Variants in HACL1 observed in about 807,000 individuals in gnomAD.
The protein encoded by HACL1 is 1600020H07Rik.
Under a neutral mutation model 74.2 loss-of-function variants are expected in HACL1, and 64 were observed. The observed-to-expected ratio is 0.86, with a 90% CI of 0.70 to 1.06. The LOEUF is 1.06. Among genes scored for constraint, HACL1 ranks in the 50% least tolerant of loss-of-function variants. The pLI is 0.00. For missense variants in HACL1, 728 were observed against 719.7 expected (o/e 1.01, Z -0.13); for synonymous variants, 230 against 238.8 (o/e 0.96, Z 0.34).
intron 16 of HACL1, 31 bp downstream of exon 16, chr3:15,563,327 T>C: frequency 6.7e-7 from 1 of 1,498,182 alleles, no homozygotes; most frequent in Non-Finnish European, 9.3e-7. Context: ...GCAGATGCAT[T>C]TCTTGCTTTC....
chr3:15,583,612 G>A (rs1000678273), intron 7 of HACL1, among the ~76,000 whole-genome samples: 8 of 151,068 alleles, frequency 5.3e-5, no homozygotes, highest in African/African-American at 1.9e-4. Context: ...CAAAGTCCAT[G>A]CTTTTAAACA....
chr3:15,589,727 T>A (rs74636072), intron 4 of HACL1, 115 bp from the exon 5 acceptor site: 28 of 743,478 alleles, frequency 3.8e-5, no homozygotes, highest in Admixed American at 1.6e-4. Flanking sequence ...GAATATTATA[T>A]TTTTTTCTTA....
Position 15,579,975 on chromosome 3 carries a change from G to A in HACL1, c.738C>T (p.Pro246=). The A allele has an allele frequency of 1.2e-6, 2 of 1,605,224 alleles. No homozygotes were observed. Among genetic ancestry groups the A allele is most frequent in the South Asian group, 2.2e-5 (2 of 90,838 alleles). Reference sequence around the variant, plus strand: ...GGACAACACCCTTCCCCATAGGGGTGGGCAAAAATGGCAGTTTATATTGCT... The same window carrying A: ...GGACAACACCCTTCCCCATAGGGGTAGGCAAAAATGGCAGTTTATATTGCT... The part of the protein sequence containing the change: ...LVEQYKLPFL[P]TPMGKGVVPD... The change falls in exon 9 of 17, where the codon CCC becomes CCT. Residue 246 remains proline (P), a synonymous_variant. Transcript: ENST00000321169.
intron 3 of HACL1, among the ~76,000 whole-genome samples, chr3:15,593,794 G>GTTTTTTTTTTTTTTTTT (rs1559563174): frequency 8.6e-6 from 1 of 116,660 alleles, no homozygotes; most frequent in Non-Finnish European, 1.8e-5. Context: ...TTTTTTTTTT[G>GTTTTTTTTTTTTTTTTT]TCTTTTTTTT....
At chr3:15,561,361 G>T (rs760342265) in intron 16 of HACL1, among the ~76,000 whole-genome samples, 2 of 152,172 alleles carry the variant, frequency 1.3e-5, no homozygotes, top group Non-Finnish European at 2.9e-5. Context: ...CCTACACTGA[G>T]AATCAATGAT....
At chr3:15,589,353 C>G (rs1212826398) in intron 5 of HACL1, among the ~76,000 whole-genome samples, 187 bp downstream of exon 5, 2 of 151,948 alleles carry the variant, frequency 1.3e-5, no homozygotes, top group Admixed American at 6.6e-5. Flanking sequence ...AAAAATTAGC[C>G]AGGCATGGTG....
chr3:15,600,692 C>T, intron 2 of HACL1: 1 of 211,058 alleles, frequency 4.7e-6, no homozygotes, highest in Non-Finnish European at 9.8e-6. Flanking sequence ...AGGCACCACA[C>T]TAAGCACTGG....
chr3:15,600,961 C>T, intron 2 of HACL1, 129 bp downstream of exon 2: 1 of 667,232 alleles, frequency 1.5e-6, no homozygotes, highest in South Asian at 1.7e-5. Flanking sequence ...TAATATTCAA[C>T]AGTGATTGAT....
At chr3:15,562,940 C>A (rs2063367837) in intron 16 of HACL1, among the ~76,000 whole-genome samples, 2 of 150,652 alleles carry the variant, frequency 1.3e-5, no homozygotes, top group Middle Eastern at 3.2e-3. Flanking sequence ...TCTGCTTATC[C>A]TTCTGATCTC....
chr3:15,600,600 C>T (rs1310133372), intron 2 of HACL1, among the ~76,000 whole-genome samples: 1 of 152,192 alleles, frequency 6.6e-6, no homozygotes, highest in Non-Finnish European at 1.5e-5. Flanking sequence ...TATCCTCCAC[C>T]CTGCCCCGAA....
chr3:15,592,095 C>CGTATACATACG (rs1488882616), intron 3 of HACL1, among the ~76,000 whole-genome samples: 2 of 139,654 alleles, frequency 1.4e-5, no homozygotes, highest in African/African-American at 5.9e-5. Context: ...TATACACACA[C>CGTATACATACG]TATATACGTA....
At chr3:15,572,091 C>T (rs1027232746) in intron 11 of HACL1, among the ~76,000 whole-genome samples, 2 of 151,968 alleles carry the variant, frequency 1.3e-5, no homozygotes, top group Non-Finnish European at 2.9e-5. Flanking sequence ...CTACCTGTCT[C>T]GGCCTCCCAA....
chr3:15,574,784 A>G (rs947656132), intron 10 of HACL1, among the ~76,000 whole-genome samples, 193 bp downstream of exon 10: 1 of 152,254 alleles, frequency 6.6e-6, no homozygotes, highest in Non-Finnish European at 1.5e-5. Context: ...GTGGCACACT[A>G]TATTTCATAG....
chr3:15,577,545 C>G (rs1371229645), intron 9 of HACL1, among the ~76,000 whole-genome samples: 2 of 150,474 alleles, frequency 1.3e-5, no homozygotes, highest in Non-Finnish European at 3.0e-5. Flanking sequence ...AATCCTAGCA[C>G]TTTGCGAGGC....
At chr3:15,568,085 A>C in intron 13 of HACL1, 83 bp from the exon 14 acceptor site, 2 of 1,123,552 alleles carry the variant, frequency 1.8e-6, no homozygotes, top group Non-Finnish European at 2.6e-6. Context: ...AGTCATATTT[A>C]CATGGTTGAT....
intron 5 of HACL1, among the ~76,000 whole-genome samples, chr3:15,587,657 T>C (rs929769126): frequency 6.6e-5 from 10 of 152,252 alleles, no homozygotes; most frequent in African/African-American, 2.4e-4. Context: ...GATTTCCTTT[T>C]AATTAACTTA....
chr3:15,594,687 T>C (rs1241972876), intron 3 of HACL1, among the ~76,000 whole-genome samples: 1 of 152,234 alleles, frequency 6.6e-6, no homozygotes, highest in African/African-American at 2.4e-5. Context: ...ACTGAGCACT[T>C]GAAATGTGGC....
intron 2 of HACL1, among the ~76,000 whole-genome samples, chr3:15,598,156 C>T (rs906659413): frequency 7.9e-5 from 12 of 152,030 alleles, no homozygotes; most frequent in African/African-American, 2.4e-4. Context: ...TCCCGAGCAG[C>T]TGGCATTACA....
intron 3 of HACL1, among the ~76,000 whole-genome samples, chr3:15,595,620 T>C (rs568121698): frequency 6.9e-6 from 1 of 144,100 alleles, no homozygotes; most frequent in African/African-American, 2.6e-5. Context: ...TTTTTTTTTT[T>C]TTTTTTTGAG....
Sources: allele counts gnomAD v4.1 joint callset (sites outside exome capture counted in the v4.1 genomes callset), GRCh38; gene constraint gnomAD v4.1.1; transcripts MANE v1.5; gene names NCBI Gene and HGNC (gene_info 2026-07-23, HGNC 2026-07-21).